Variants in DPP6 observed in about 807,000 individuals in gnomAD.
DPP6 encodes the protein dipeptidyl peptidase like 6.
Under a neutral mutation model 122.6 loss-of-function variants are expected in DPP6, and 69 were observed. That is an observed-to-expected ratio of 0.56 (90% CI 0.46 to 0.69). The LOEUF is 0.69. Among genes scored for constraint, DPP6 ranks in the 30% least tolerant of loss-of-function variants. The pLI, the probability that DPP6 is intolerant of heterozygous loss-of-function variation, is 0.00. For missense variants in DPP6, 928 were observed against 1,116.9 expected (o/e 0.83, Z 2.41); for synonymous variants, 418 against 433.1 (o/e 0.97, Z 0.43).
At chr7:154,189,513 A>C (rs1361604113) in intron 1 of DPP6, among the ~76,000 whole-genome samples, 1 of 152,212 alleles carries the variant, frequency 6.6e-6, no homozygotes, top group East Asian at 1.9e-4. Context: ...TGCACCACTT[A>C]GTAAGATGTT....
chr7:154,160,548 G>A (rs1796928959), intron 1 of DPP6, among the ~76,000 whole-genome samples: 2 of 152,168 alleles, frequency 1.3e-5, no homozygotes, highest in Non-Finnish European at 2.9e-5. Context: ...GTTATCTGGA[G>A]GACACATGGC....
At chr7:154,321,556 G>T (rs1228824212) in intron 1 of DPP6, among the ~76,000 whole-genome samples, 1 of 151,946 alleles carries the variant, frequency 6.6e-6, no homozygotes, top group Non-Finnish European at 1.5e-5. Flanking sequence ...GGCTGAGGCG[G>T]GCGGATCACA....
At chr7:153,939,953 A>G (rs1801622817) in intron 1 of DPP6, among the ~76,000 whole-genome samples, 1 of 152,202 alleles carries the variant, frequency 6.6e-6, no homozygotes, top group African/African-American at 2.4e-5. Flanking sequence ...GCCCGATCGT[A>G]AGGAGCATCA....
intron 3 of DPP6, among the ~76,000 whole-genome samples, chr7:154,539,424 T>C (rs1443958854): frequency 1.3e-5 from 2 of 152,106 alleles, no homozygotes; most frequent in Non-Finnish European, 1.5e-5. Context: ...TAGGTGGGAA[T>C]TGAACAATGA....
chr7:154,752,890 C>T (rs113785924), intron 8 of DPP6, among the ~76,000 whole-genome samples: 2,940 of 152,228 alleles, frequency 0.019, 117 homozygotes, highest in African/African-American at 0.067. Context: ...GGGTGTGGCT[C>T]TAGTGAACGG....
intron 12 of DPP6, among the ~76,000 whole-genome samples, chr7:154,800,592 C>T (rs940844): frequency 0.054 from 8,250 of 152,278 alleles, 324 homozygotes; most frequent in Middle Eastern, 0.12. Flanking sequence ...GAGATGGTGG[C>T]GACACCTGCC....
chr7:154,437,053 C>A (rs1818933590), intron 1 of DPP6, among the ~76,000 whole-genome samples: 3 of 152,268 alleles, frequency 2.0e-5, no homozygotes, highest in South Asian at 4.2e-4. Context: ...GTAGACAGAC[C>A]AATGACACCC....
At chr7:154,294,075 T>C (rs1445062169) in intron 1 of DPP6, among the ~76,000 whole-genome samples, 1 of 152,174 alleles carries the variant, frequency 6.6e-6, no homozygotes, top group African/African-American at 2.4e-5. Context: ...GACCCGGGAT[T>C]TGCAAACAAG....
chr7:154,559,720 TGTCA>T (rs1830287173), intron 4 of DPP6, among the ~76,000 whole-genome samples: 1 of 151,714 alleles, frequency 6.6e-6, no homozygotes, highest in Non-Finnish European at 1.5e-5. Flanking sequence ...CATAAAACAC[TGTCA>T]GTCTACAGTT....
chr7:154,887,622 C>A, intron 22 of DPP6, 54 bp from the exon 23 acceptor site: 1 of 1,596,580 alleles, frequency 6.3e-7, no homozygotes, highest in Non-Finnish European at 8.6e-7. Flanking sequence ...TTGGGGGCTG[C>A]GCTCACAGGG....
intron 7 of DPP6, among the ~76,000 whole-genome samples, chr7:154,682,304 T>A (rs1338714798): frequency 6.6e-6 from 1 of 152,252 alleles, no homozygotes; most frequent in Non-Finnish European, 1.5e-5. Flanking sequence ...CCTGTCAGGA[T>A]CAGGCTGAAC....
chr7:154,054,788 A>G (rs1365689625), intron 1 of DPP6, among the ~76,000 whole-genome samples: 3 of 149,106 alleles, frequency 2.0e-5, no homozygotes, highest in African/African-American at 7.4e-5. Context: ...ATCTGACTTA[A>G]AATTGTTGAA....
intron 7 of DPP6, among the ~76,000 whole-genome samples, chr7:154,684,291 T>A (rs2131182937): frequency 6.6e-6 from 1 of 152,094 alleles, no homozygotes; most frequent in African/African-American, 2.4e-5. Context: ...CTCATCACTC[T>A]CTGCTTTTGT....
intron 1 of DPP6, among the ~76,000 whole-genome samples, chr7:154,315,261 G>A (rs1807334853): frequency 6.6e-6 from 1 of 152,178 alleles, no homozygotes; most frequent in East Asian, 1.9e-4. Flanking sequence ...GTGAGTGTGA[G>A]GGAGAGGAAT....
intron 12 of DPP6, 167 bp downstream of exon 12, chr7:154,796,050 T>C (rs1798035536): frequency 2.6e-6 from 3 of 1,135,528 alleles, no homozygotes; most frequent in Admixed American, 6.2e-5. Context: ...CCTCCCGTTC[T>C]CCAGGGTTGC....
At chr7:154,826,530 G>T (rs903597650) in intron 16 of DPP6, among the ~76,000 whole-genome samples, 2 of 152,160 alleles carry the variant, frequency 1.3e-5, no homozygotes, top group African/African-American at 4.8e-5. Context: ...ACACCCAAAG[G>T]CTTCTTGAGA....
chr7:154,631,499 G>A (rs754127387), intron 5 of DPP6, among the ~76,000 whole-genome samples: 1 of 152,068 alleles, frequency 6.6e-6, no homozygotes, highest in South Asian at 2.1e-4. Context: ...CTTGTGAAGG[G>A]CCATGATAGT....
chr7:154,503,036 G>A (rs1033503235), intron 3 of DPP6, among the ~76,000 whole-genome samples: 4 of 152,164 alleles, frequency 2.6e-5, no homozygotes, highest in Admixed American at 1.3e-4. Context: ...TACCATGGAC[G>A]GTTCTATGTG....
chr7:154,417,566 C>G (rs1235579778), intron 1 of DPP6, among the ~76,000 whole-genome samples: 1 of 152,176 alleles, frequency 6.6e-6, no homozygotes, highest in Non-Finnish European at 1.5e-5. Context: ...ACCTCCCACC[C>G]CGCTCCCAGA....
Sources: gnomAD v4.1 joint callset for allele counts (sites outside exome capture counted in the v4.1 genomes callset) on GRCh38, gnomAD v4.1.1 for gene constraint, MANE v1.5 for transcripts, NCBI Gene and HGNC (gene_info 2026-07-23, HGNC 2026-07-21) for gene names.